The following LMBR1 variants were observed in gnomAD, a reference collection of about 807,000 sequenced individuals.
The protein encoded by LMBR1 is limb development membrane protein 1, also known as limb region 1 protein homolog.
LMBR1 carries 52 observed loss-of-function variants against 73.9 expected under a neutral mutation model. The observed-to-expected ratio is 0.70, with a 90% CI of 0.56 to 0.89. The LOEUF (loss-of-function observed/expected upper bound fraction) is 0.89, where lower values mean the gene tolerates loss of function less well. LMBR1 is among the 40% of genes least tolerant of loss of function. The pLI, the probability that LMBR1 is intolerant of heterozygous loss-of-function variation, is 0.00. For synonymous variants in LMBR1, 215 were observed against 209.4 expected, an observed-to-expected ratio of 1.03 and a Z score of -0.23; for missense variants, 539 against 579.8, an observed-to-expected ratio of 0.93 and a Z score of 0.72.
intron 1 of LMBR1, among the ~76,000 whole-genome samples, chr7:156,850,614 A>G (rs1483027295): frequency 1.3e-5 from 2 of 152,190 alleles, no homozygotes; most frequent in African/African-American, 2.4e-5. Flanking sequence ...AGCATGTAAC[A>G]ATAGTTCTTT....
intron 5 of LMBR1, among the ~76,000 whole-genome samples, chr7:156,791,710 AT>A (rs1829261825): frequency 6.6e-6 from 1 of 152,232 alleles, no homozygotes; most frequent in African/African-American, 2.4e-5. Context: ...TGCTTTTATT[AT>A]CAGGCACTTT....
At chr7:156,712,683 G>C (rs1170010546) in intron 15 of LMBR1, among the ~76,000 whole-genome samples, 1 of 152,172 alleles carries the variant, frequency 6.6e-6, no homozygotes, top group Non-Finnish European at 1.5e-5. Flanking sequence ...AATTCAGCCA[G>C]AGCAAAGAAT....
At position 156,670,716 on chromosome 7, in the gene LMBR1, C is replaced by G. The variant is rs1802302411; in HGVS notation, n.867-1429G>C. Among the ~76,000 whole-genome samples the G allele has an allele frequency of 6.6e-6, 1 of 152,116 alleles. No individual in the cohort carries two copies. Among genetic ancestry groups the G allele is most frequent in the African/African-American group, 2.4e-5 (1 of 41,426 alleles). The stretch of plus-strand genomic sequence containing the variant: ...TGGCATCTCCGTGTGTCGGGAGAGA[C>G]CTAACCGCCAGTCTAGACTCCCATG... On this transcript the variant is annotated intron_variant and non_coding_transcript_variant, in intron 4 of 4. Transcript: ENST00000430825. The surrounding 1 kb of genome is among the most constrained non-coding windows in gnomAD (Gnocchi z 4.3).
At chr7:156,783,368 A>C (rs1403503954) in intron 5 of LMBR1, among the ~76,000 whole-genome samples, 3 of 151,924 alleles carry the variant, frequency 2.0e-5, no homozygotes, top group Admixed American at 6.5e-5. Context: ...TTGTAGAGAC[A>C]GGGCCTCGCT....
In LMBR1 at chr7:156,697,032, A is replaced by G. The variant is rs138573358; in HGVS notation, c.1226-8841T>C. 5.5e-3 allele frequency among the ~76,000 whole-genome samples: 833 copies of G among 150,456 alleles called. 20 individuals carry two copies. In the South Asian group the frequency reaches 0.079, roughly 14 times the overall value. ...TATTTCAATGTAGGTTCTATTTTCC[A>G]TAAGTGTAGGCCAGCTGAGAGAGAG... On this transcript the variant is annotated intron_variant, in intron 15 of 16. Transcript: ENST00000353442.
chr7:156,781,616 A>G (rs1827144429), intron 5 of LMBR1, among the ~76,000 whole-genome samples: 1 of 152,086 alleles, frequency 6.6e-6, no homozygotes, highest in Non-Finnish European at 1.5e-5. Flanking sequence ...AGGGATACAA[A>G]TCACCCTTTT....
At chr7:156,865,582 C>T (rs1798336641) in intron 1 of LMBR1, among the ~76,000 whole-genome samples, 1 of 152,072 alleles carries the variant, frequency 6.6e-6, no homozygotes. Context: ...CAGGCTTATC[C>T]TAAATTCACA....
chr7:156,822,452 C>T (rs891411513), intron 4 of LMBR1: 12 of 152,120 alleles, frequency 7.9e-5, no homozygotes, highest in Non-Finnish European at 1.6e-4. Context: ...CCAAAACCTG[C>T]ATACCTGAGC....
chr7:156,701,751 C>T lies in LMBR1; in HGVS notation c.1226-13560G>A, dbSNP rs111616005. 6.0e-3 allele frequency among the ~76,000 whole-genome samples: 917 copies of T among 152,230 alleles called. 20 individuals are homozygous for T. In the South Asian group the frequency reaches 0.079, roughly 13 times the overall value. ...TCAATCTATCACCTAGGTGTTAGAC[C>T]CCACATGCTTAGCTGTTTAACCTGA... On this transcript the variant is annotated intron_variant, in intron 15 of 16. Coordinates refer to ENST00000353442, the MANE Select transcript of LMBR1 (RefSeq NM_022458.4).
At chr7:156,859,821 A>G (rs1797482510) in intron 1 of LMBR1, among the ~76,000 whole-genome samples, 1 of 152,222 alleles carries the variant, frequency 6.6e-6, no homozygotes, top group South Asian at 2.1e-4. Context: ...ACTGAAAGGC[A>G]AAAGACCTAG....
Position 156,681,922 on chromosome 7 carries a change from T to A in LMBR1, c.*2156A>T, listed in dbSNP as rs1244508073. On this transcript the variant is annotated 3_prime_UTR_variant, in exon 17 of 17. Transcript: ENST00000353442. ...CCGACCTAGCTCCAATGGAAGCACC[T>A]GCATTTGGAGTCAGTCTCTCCAGAG... The A allele has an allele frequency of 6.6e-6, 1 of 152,290 alleles. No homozygotes were observed. The highest frequency in any genetic ancestry group is 1.5e-5 in the Non-Finnish European group (1 of 68,076). The allele number at this position is 152,290 out of a possible 1,614,324, so 9.4% of individuals were successfully genotyped here.
At position 156,669,416 on chromosome 7, in the gene LMBR1, T is replaced by C. The variant is rs1801964919; in HGVS notation, n.867-129A>G. On this transcript the variant is annotated intron_variant and non_coding_transcript_variant, in intron 4 of 4. Coordinates refer to the LMBR1 transcript ENST00000430825. The surrounding 1 kb of genome is among the most constrained non-coding windows in gnomAD (Gnocchi z 4.2). ...TGAGATGTTTGAAATAAGGTGGAAATGTCTGAGGAGATGCACCCTGAACCC... is the reference window on the plus strand; with the variant it reads ...TGAGATGTTTGAAATAAGGTGGAAACGTCTGAGGAGATGCACCCTGAACCC... The C allele has an allele frequency of 6.6e-6, 1 of 152,056 alleles. No homozygotes were observed. Among genetic ancestry groups the C allele is most frequent in the South Asian group, 2.1e-4 (1 of 4,820 alleles). The allele number at this position is 152,056 out of a possible 1,614,324, so 9.4% of individuals were successfully genotyped here.
chr7:156,780,480 G>A (rs906251825), intron 5 of LMBR1, among the ~76,000 whole-genome samples: 2 of 152,034 alleles, frequency 1.3e-5, no homozygotes, highest in African/African-American at 4.8e-5. Context: ...ATGGTAACTA[G>A]ATATCAAAAT....
chr7:156,799,425 T>A (rs929510875), intron 4 of LMBR1, among the ~76,000 whole-genome samples: 1 of 152,218 alleles, frequency 6.6e-6, no homozygotes, highest in Non-Finnish European at 1.5e-5. Flanking sequence ...ACATCTGTTA[T>A]GATCTATGAC....
intron 5 of LMBR1, among the ~76,000 whole-genome samples, chr7:156,784,933 C>T (rs1287851477): frequency 1.3e-5 from 2 of 152,194 alleles, no homozygotes; most frequent in African/African-American, 4.8e-5. Context: ...CAGGACTCCA[C>T]TAACAGACAT....
intron 9 of LMBR1, among the ~76,000 whole-genome samples, chr7:156,753,381 G>C (rs1821248685): frequency 2.0e-5 from 3 of 152,032 alleles, no homozygotes; most frequent in Admixed American, 2.0e-4. Flanking sequence ...TAGTAAAAGG[G>C]AACAGGAGGG....
At chr7:156,783,583 T>C (rs1827528932) in intron 5 of LMBR1, among the ~76,000 whole-genome samples, 1 of 152,272 alleles carries the variant, frequency 6.6e-6, no homozygotes, top group African/African-American at 2.4e-5. Context: ...CTTGCTATTA[T>C]AATTGATTTT....
intron 5 of LMBR1, among the ~76,000 whole-genome samples, chr7:156,767,735 CAT>C (rs1238942471): frequency 6.6e-6 from 1 of 151,586 alleles, no homozygotes; most frequent in Admixed American, 6.6e-5. Context: ...AAAATATAAA[CAT>C]AACAAAATAT....
intron 3 of LMBR1, chr7:156,833,453 C>G (rs1239767877): frequency 3.0e-6 from 1 of 338,742 alleles, no homozygotes; most frequent in Non-Finnish European, 5.3e-6. Flanking sequence ...GTCTTCTCAG[C>G]AGACTGTTCA....
Sources: allele counts gnomAD v4.1 joint callset (sites outside exome capture counted in the v4.1 genomes callset), GRCh38; gene constraint gnomAD v4.1.1; non-coding constraint Gnocchi (gnomAD v3.1); transcripts MANE v1.5; gene names NCBI Gene and HGNC (gene_info 2026-07-23, HGNC 2026-07-21).